FAT4: variants seen among roughly 807,000 people sequenced by gnomAD.
The protein encoded by FAT4 is FAT atypical cadherin 4.
In FAT4, 84 loss-of-function variants were observed where a neutral mutation model predicts 303.9. The observed-to-expected ratio is 0.28, with a 90% CI of 0.23 to 0.33. The LOEUF is 0.33. Ranked by LOEUF, FAT4 falls within the 10% of genes least tolerant of loss-of-function variation. The probability of loss-of-function intolerance (pLI) is 1.00; values close to 1 mark genes in which losing one functional copy is unlikely to be tolerated. For synonymous variants in FAT4, 2,307 were observed against 2,298.8 expected (o/e 1.00, Z -0.10); for missense variants, 6,005 against 6,146.8 (o/e 0.98, Z 0.77).
intron 5 of FAT4, among the ~76,000 whole-genome samples, chr4:125,409,030 AT>A (rs1442293172): frequency 6.6e-6 from 1 of 151,956 alleles, no homozygotes; most frequent in Admixed American, 6.6e-5. Flanking sequence ...ACTTTATCTT[AT>A]TTTTCCCCCT....
rs777932350 is a variant in FAT4, at chr4:125,434,428, C to T, written c.7199+3C>T. ...GCTTCAAAGAATGCAGTTATAAGGT[C>T]AGTACATTTTCCTTTGTAAAGTTTG... On this transcript the variant is annotated splice_donor_region_variant and intron_variant, in intron 8 of 17. Transcript: ENST00000394329. The T allele has an allele frequency of 2.5e-6, 4 of 1,613,278 alleles. No individual in the cohort carries two copies. The highest frequency in any genetic ancestry group is 2.2e-5 in the East Asian group (1 of 44,794).
At chr4:125,329,685 C>G (rs1256897005) in intron 2 of FAT4, among the ~76,000 whole-genome samples, 1 of 152,180 alleles carries the variant, frequency 6.6e-6, no homozygotes, top group East Asian at 1.9e-4. Context: ...TATAACCAAT[C>G]ACTTATTCAT....
chr4:125,375,646 A>G (rs1733285788), intron 2 of FAT4, among the ~76,000 whole-genome samples: 1 of 152,232 alleles, frequency 6.6e-6, no homozygotes. Context: ...AATTTTCTTT[A>G]TCACAAACAC....
intron 2 of FAT4, among the ~76,000 whole-genome samples, chr4:125,363,696 A>C (rs568021313): frequency 1.3e-5 from 2 of 151,900 alleles, no homozygotes; most frequent in East Asian, 3.9e-4. Context: ...GGGTTTCACT[A>C]TGTTGGCCAG....
At chr4:125,431,242 G>A (rs1469370322) in intron 7 of FAT4, among the ~76,000 whole-genome samples, 4 of 152,202 alleles carry the variant, frequency 2.6e-5, no homozygotes, top group African/African-American at 4.8e-5. Context: ...ACAGCACAAT[G>A]TGTATATCAG....
At chr4:125,480,008 C>A in intron 15 of FAT4, 143 bp downstream of exon 15, 1 of 644,096 alleles carries the variant, frequency 1.6e-6, no homozygotes, top group Non-Finnish European at 2.2e-6. Context: ...TGGTAAAATA[C>A]AGTGACATTT....
chr4:125,407,001 A>T lies in FAT4; in HGVS notation c.5429A>T (p.Tyr1810Phe), dbSNP rs201947859. The T allele has an allele frequency of 1.5e-4, 239 of 1,613,888 alleles. No individual in the cohort carries two copies. Among genetic ancestry groups the T allele is most frequent in the Non-Finnish European group, 1.9e-4 (224 of 1,179,890 alleles). Residue 1810 changes from tyrosine to phenylalanine, a missense_variant, in exon 4 of 18, where the codon TAT becomes TTT. Transcript: ENST00000394329. ...RRLDRERRSK[Y>F]SLLVRADDGL... ...TTGGACAGGGAACGCCGCTCCAAAT[A>T]TTCACTGCTAGTTCGTGCTGATGAT... is the stretch of plus-strand genomic sequence containing the variant.
rs139698120 is a variant in FAT4 at position 125,331,136 on chromosome 4, A to G, written c.5175+9550A>G. On this transcript the variant is annotated intron_variant, in intron 2 of 17. Coordinates refer to ENST00000394329, the MANE Select transcript of FAT4 (RefSeq NM_001291303.3). ...TTTTTTCTTATCATCACCCGACATA[A>G]CACATATGTTACTTGTTTATTCTGT... Among the ~76,000 whole-genome samples the G allele has an allele frequency of 8.9e-3, 1,356 of 152,192 alleles. 20 individuals carry two copies. Among genetic ancestry groups the G allele is most frequent in the African/African-American group, 0.031 (1,294 of 41,518 alleles).
chr4:125,428,382 C>A (rs1178184918), intron 7 of FAT4, among the ~76,000 whole-genome samples: 1 of 152,104 alleles, frequency 6.6e-6, no homozygotes, highest in Non-Finnish European at 1.5e-5. Flanking sequence ...AAAGGCAATG[C>A]TAGTTATTAG....
chr4:125,481,846 T>C (rs1727242583), intron 16 of FAT4, 108 bp downstream of exon 16: 1 of 881,872 alleles, frequency 1.1e-6, no homozygotes, highest in Non-Finnish European at 1.8e-6. Context: ...CCCATTAGAG[T>C]TCCGACTAAT....
rs754010807 is a variant in FAT4, at chr4:125,490,886, C to T, written c.14070C>T (p.Ser4690=). Reference sequence around the variant, plus strand: ...AAGGTTTGAGAACCAGCTCCCTAAGCCACTCAGCATGCCCAACTCCCAACC... The same window carrying T: ...AAGGTTTGAGAACCAGCTCCCTAAGTCACTCAGCATGCCCAACTCCCAACC... ...YGQGLRTSSL[S]HSACPTPNPL... Residue 4690 remains serine (S), a synonymous_variant, in exon 18 of 18, where the codon AGC becomes AGT. Transcript: ENST00000394329. 2 of 1,614,082 alleles carry T rather than the reference C, an allele frequency of 1.2e-6. No homozygotes were observed. Among genetic ancestry groups the T allele is most frequent in the African/African-American group, 2.7e-5 (2 of 74,916 alleles).
Position 125,449,572 on chromosome 4 carries a change from G to A in FAT4, c.8562G>A (p.Trp2854Ter). ...RIRVSAHDSG[W>*]TVSTDVTIFV... is the part of the protein sequence containing the mutation. ...GAGTTTCCGCACATGATTCTGGGTG[G>A]ACTGTAAGTACAGATGTCACAATAT... Residue 2854 changes from tryptophan (W) to a stop codon, truncating the protein, a stop_gained, in exon 10 of 18, where the codon TGG (tryptophan) becomes TGA (stop). Transcript: ENST00000394329. LOFTEE classifies it high-confidence loss of function. The A allele has an allele frequency of 6.2e-7, 1 of 1,613,526 alleles. No individual in the cohort carries two copies. Among genetic ancestry groups the A allele is most frequent in the Non-Finnish European group, 8.5e-7 (1 of 1,179,654 alleles).
intron 2 of FAT4, among the ~76,000 whole-genome samples, chr4:125,353,613 G>A (rs189310796): frequency 3.3e-5 from 5 of 151,408 alleles, no homozygotes; most frequent in South Asian, 2.1e-4. Flanking sequence ...CAGAGCTCAC[G>A]GTTACATTGA....
At chr4:125,463,719 G>T (rs1726562047) in intron 11 of FAT4, 52 bp downstream of exon 11, 4 of 1,293,036 alleles carry the variant, frequency 3.1e-6, no homozygotes, top group Non-Finnish European at 4.3e-6. Flanking sequence ...TTTGCACACA[G>T]TTTAGCAATT....
rs767846308 is a variant in FAT4, at chr4:125,415,244, G to A, written c.6281G>A (p.Gly2094Glu). The A allele has an allele frequency of 1.9e-6, 3 of 1,614,080 alleles. No homozygotes were observed. Among genetic ancestry groups the A allele is most frequent in the Non-Finnish European group, 8.5e-7 (1 of 1,179,992 alleles). ...GAGTACACTCTGCTGAACCCTTTGGGAAACAAGTTCAGTATTGGGACCATT... is the reference window on the plus strand; with the variant it reads ...GAGTACACTCTGCTGAACCCTTTGGAAAACAAGTTCAGTATTGGGACCATT... Reference protein sequence around the residue: ...YIEYTLLNPLGNKFSIGTIDG... With the variant: ...YIEYTLLNPLENKFSIGTIDG... Residue 2094 changes from glycine (G) to glutamate (E), a missense_variant, in exon 6 of 18, where the codon GGA becomes GAA. Physicochemically the swap from Gly to Glu is moderately conservative, Grantham distance 98. Coordinates refer to ENST00000394329, the MANE Select transcript of FAT4 (RefSeq NM_001291303.3).
intron 2 of FAT4, among the ~76,000 whole-genome samples, chr4:125,388,817 TGTTTTAAGAATGGA>T (rs1474320074): frequency 6.6e-6 from 1 of 152,192 alleles, no homozygotes; most frequent in Non-Finnish European, 1.5e-5. Context: ...GAAAGCATTT[TGTTTTAAGAATGGA>T]GTTAACTATG....
Position 125,320,734 on chromosome 4 carries a change from A to G in FAT4, c.4323A>G (p.Ser1441=). 1.2e-6 allele frequency: 2 copies of G among 1,614,178 alleles called. No homozygotes were observed. The highest frequency in any genetic ancestry group is 1.7e-6 in the Non-Finnish European group (2 of 1,180,004). The change falls in exon 2 of 18, where the codon TCA becomes TCG. Residue 1441 remains serine, a synonymous_variant. Coordinates refer to ENST00000394329, the MANE Select transcript of FAT4 (RefSeq NM_001291303.3). ...ENIPIGTSVI[S]VTAHDPDADI... Reference sequence around the variant, plus strand: ...TTCCCATCGGTACATCTGTCATTTCAGTGACTGCACATGACCCTGATGCAG... The same window carrying G: ...TTCCCATCGGTACATCTGTCATTTCGGTGACTGCACATGACCCTGATGCAG...
intron 2 of FAT4, among the ~76,000 whole-genome samples, chr4:125,349,285 G>C (rs1259596215): frequency 6.6e-6 from 1 of 151,678 alleles, no homozygotes; most frequent in Non-Finnish European, 1.5e-5. Context: ...GCATTATTCA[G>C]CATTCTATTA....
Position 125,317,686 on chromosome 4 carries a change from C to T in FAT4, c.1275C>T (p.Ala425=). 6.2e-7 allele frequency: 1 copy of T among 1,614,118 alleles called. No individual in the cohort carries two copies. Among genetic ancestry groups the T allele is most frequent in the Non-Finnish European group, 8.5e-7 (1 of 1,180,018 alleles). Residue 425 remains alanine, a synonymous_variant, in exon 2 of 18, where the codon GCC becomes GCT. Coordinates refer to ENST00000394329, the MANE Select transcript of FAT4 (RefSeq NM_001291303.3). This position sits in a 1 kb window ranked among gnomAD's most constrained non-coding sequence, Gnocchi z 7.0. ...TGAGCCTAATCAAGGTGGCCAGCGC[C>T]TTGGACCGCGAGCGCATCCCTTCCT... ...PNLSLIKVAS[A]LDRERIPSYN...
Sources: gnomAD v4.1 joint callset for allele counts (sites outside exome capture counted in the v4.1 genomes callset) on GRCh38, gnomAD v4.1.1 for gene constraint, Gnocchi (gnomAD v3.1) non-coding constraint, MANE v1.5 for transcripts, NCBI Gene and HGNC (gene_info 2026-07-23, HGNC 2026-07-21) for gene names.